The following GDF11 variants were observed in gnomAD, a reference collection of about 807,000 sequenced individuals.
GDF11 encodes growth/differentiation factor 11.
Under a neutral mutation model 34.4 loss-of-function variants are expected in GDF11, and 12 were observed. That is an observed-to-expected ratio of 0.35 (90% CI 0.22 to 0.57). GDF11 has a LOEUF of 0.57. Among genes scored for constraint, GDF11 ranks in the 20% least tolerant of loss-of-function variants. GDF11 has a pLI of 0.86. For missense variants in GDF11, 346 were observed against 548.2 expected, an observed-to-expected ratio of 0.63 and a Z score of 3.68; for synonymous variants, 212 against 231.1, an observed-to-expected ratio of 0.92 and a Z score of 0.75.
In GDF11 at chr12:55,754,143, A is replaced by G. The variant is rs570493461; in HGVS notation, c.*4261A>G. The G allele has an allele frequency of 6.6e-6, 1 of 152,320 alleles. No homozygotes were observed. Among genetic ancestry groups the G allele is most frequent in the African/African-American group, 2.4e-5 (1 of 41,574 alleles). 9.4% of individuals were successfully genotyped at this position (152,320 alleles called of 1,614,324 possible). A position where few individuals can be genotyped will look rare whatever the true frequency, so the allele number is the denominator to read the frequency against. ...CTAAGGCTGGAAGTGGTTGAGTAGC[A>G]GAAGTGTTATGTATTCTATCTTCCC... is the stretch of plus-strand genomic sequence containing the variant. On this transcript the variant is annotated 3_prime_UTR_variant, in exon 3 of 3. Transcript: ENST00000257868.
rs1403508449 is a variant in GDF11 at position 55,749,066 on chromosome 12, T to C, written c.843+83T>C. ...TACATTGGAAAAGGTAGACAAGGAA[T>C]GTGAAGGAGGTTGGGGACCAGCATT... is the stretch of plus-strand genomic sequence containing the variant. On this transcript the variant is annotated intron_variant, in intron 2 of 2. Coordinates refer to ENST00000257868, the MANE Select transcript of GDF11 (RefSeq NM_005811.5). This position sits in a 1 kb window ranked among gnomAD's most constrained non-coding sequence, Gnocchi z 5.6. 19 of 1,365,768 alleles carry C rather than the reference T, an allele frequency of 1.4e-5. No individual in the cohort carries two copies. The highest frequency in any genetic ancestry group is 2.5e-5 in the East Asian group (1 of 40,206). The allele number at this position is 1,365,768 out of a possible 1,614,324, so 84.6% of individuals were successfully genotyped here.
rs745551830 is a variant in GDF11 at position 55,755,326 on chromosome 12, G to C, written c.*5444G>C. On this transcript the variant is annotated 3_prime_UTR_variant, in exon 3 of 3. Coordinates refer to ENST00000257868, the MANE Select transcript of GDF11 (RefSeq NM_005811.5). Reference sequence around the variant, plus strand: ...TTCAGCAGTTCTTAAGAGGTGGGGTGGGGGGCTGGGCAGTTTAGAGTGAGA... The same window carrying C: ...TTCAGCAGTTCTTAAGAGGTGGGGTCGGGGGCTGGGCAGTTTAGAGTGAGA... The C allele has an allele frequency of 3.3e-5, 5 of 151,958 alleles. No homozygotes were observed. Among genetic ancestry groups the C allele is most frequent in the Non-Finnish European group, 7.4e-5 (5 of 67,990 alleles). 9.4% of individuals were successfully genotyped at this position (151,958 alleles called of 1,614,324 possible).
rs1878513237 is a variant in GDF11 at position 55,756,651 on chromosome 12, G to T, written c.*6769G>T. On this transcript the variant is annotated 3_prime_UTR_variant, in exon 3 of 3. Coordinates refer to ENST00000257868, the MANE Select transcript of GDF11 (RefSeq NM_005811.5). ...GCAATAACATATCCAAAAAGATTAA[G>T]CAGGTTTCAGATCTACATGAACTTG... 1 of 152,118 alleles carries T rather than the reference G, an allele frequency of 6.6e-6. No homozygotes were observed. The highest frequency in any genetic ancestry group is 1.5e-5 in the Non-Finnish European group (1 of 68,026). The allele number at this position is 152,118 out of a possible 1,614,324, so 9.4% of individuals were successfully genotyped here.
chr12:55,757,263 C>CTGCCCTTGTATT lies in GDF11; in HGVS notation c.*7381_*7382insTGCCCTTGTATT, dbSNP rs1878535668. The CTGCCCTTGTATT allele has an allele frequency of 2.8e-6, 1 of 351,410 alleles. No homozygotes were observed. Among genetic ancestry groups the CTGCCCTTGTATT allele is most frequent in the Non-Finnish European group, 5.2e-6 (1 of 192,736 alleles). 21.8% of individuals were successfully genotyped at this position (351,410 alleles called of 1,614,324 possible). A position where few individuals can be genotyped will look rare whatever the true frequency, so the allele number is the denominator to read the frequency against. ...TAAATCAAAGGAGCACCTAATAAAACACATTGTTCTCTTTTCTATTTTTTT... is the reference window on the plus strand; with the variant it reads ...TAAATCAAAGGAGCACCTAATAAAACTGCCCTTGTATTACATTGTTCTCTTTTCTATTTTTTT... On this transcript the variant is annotated 3_prime_UTR_variant, in exon 3 of 3. Coordinates refer to ENST00000257868, the MANE Select transcript of GDF11 (RefSeq NM_005811.5).
rs761260772 is a variant in GDF11 at position 55,756,864 on chromosome 12, G to A, written c.*6982G>A. 1.3e-5 allele frequency: 2 copies of A among 152,098 alleles called. No individual in the cohort carries two copies. The highest frequency in any genetic ancestry group is 2.9e-5 in the Non-Finnish European group (2 of 68,022). The allele number at this position is 152,098 out of a possible 1,614,324, so 9.4% of individuals were successfully genotyped here. A position where few individuals can be genotyped will look rare whatever the true frequency, so the allele number is the denominator to read the frequency against. Reference sequence around the variant, plus strand: ...GTATCACATCACCCTTGAAATCAGGGCCCTTTTCCTTTAATGTGGGACCCT... The same window carrying A: ...GTATCACATCACCCTTGAAATCAGGACCCTTTTCCTTTAATGTGGGACCCT... On this transcript the variant is annotated 3_prime_UTR_variant, in exon 3 of 3. Coordinates refer to ENST00000257868, the MANE Select transcript of GDF11 (RefSeq NM_005811.5).
At chr12:55,746,821 G>C (rs1044984933) in intron 1 of GDF11, among the ~76,000 whole-genome samples, 1 of 152,246 alleles carries the variant, frequency 6.6e-6, no homozygotes, top group Non-Finnish European at 1.5e-5. Flanking sequence ...AGGTTAGATA[G>C]TGGTTAGTAA....
chr12:55,748,208 G>C lies in GDF11; in HGVS notation c.446-378G>C, dbSNP rs1878224388. 6.6e-6 allele frequency among the ~76,000 whole-genome samples: 1 copy of C among 152,206 alleles called. No individual in the cohort carries two copies. The highest frequency in any genetic ancestry group is 2.4e-5 in the African/African-American group (1 of 41,450). On this transcript the variant is annotated intron_variant, in intron 1 of 2. Coordinates refer to ENST00000257868, the MANE Select transcript of GDF11 (RefSeq NM_005811.5). This position sits in a 1 kb window ranked among gnomAD's most constrained non-coding sequence, Gnocchi z 5.6. ...GGGGAAAGGTGATGGAAGGGCAGCAGGTGTGATAAGAGGTATGGCTTCTAT... is the reference window on the plus strand; with the variant it reads ...GGGGAAAGGTGATGGAAGGGCAGCACGTGTGATAAGAGGTATGGCTTCTAT...
At position 55,749,128 on chromosome 12, in the gene GDF11, GGT is replaced by G. The variant is rs1878249004; in HGVS notation, c.843+147_843+148del. Reference sequence around the variant, plus strand: ...GTCAGCAGCTGATTCTAGAGGAGGAGGTGAGGAGTGGGGTGGCAACTATTACT... The same window carrying G: ...GTCAGCAGCTGATTCTAGAGGAGGAGGAGGAGTGGGGTGGCAACTATTACT... On this transcript the variant is annotated intron_variant, in intron 2 of 2. Transcript: ENST00000257868. This position sits in a 1 kb window ranked among gnomAD's most constrained non-coding sequence, Gnocchi z 5.6. 1.2e-6 allele frequency: 1 copy of G among 824,894 alleles called. No individual in the cohort carries two copies. Among genetic ancestry groups the G allele is most frequent in the African/African-American group, 1.7e-5 (1 of 58,030 alleles). The allele number at this position is 824,894 out of a possible 1,614,324, so 51.1% of individuals were successfully genotyped here. A position where few individuals can be genotyped will look rare whatever the true frequency, so the allele number is the denominator to read the frequency against.
chr12:55,743,795 C>T (rs1367798302), intron 1 of GDF11, 34 bp downstream of exon 1: 1 of 1,468,242 alleles, frequency 6.8e-7, no homozygotes, highest in East Asian at 2.5e-5. Flanking sequence ...CAGTGGGGTG[C>T]TGGCTCTGGC....
intron 1 of GDF11, among the ~76,000 whole-genome samples, chr12:55,747,559 A>G (rs945298302): frequency 1.4e-4 from 21 of 152,164 alleles, no homozygotes; most frequent in African/African-American, 5.1e-4. Context: ...TATTCTGTCC[A>G]ATGGAGACAT....
chr12:55,744,954 C>T (rs557609851), intron 1 of GDF11, among the ~76,000 whole-genome samples: 23 of 152,320 alleles, frequency 1.5e-4, no homozygotes, highest in African/African-American at 5.5e-4. Context: ...GTGCCTCACA[C>T]TGCCCCTGGT....
At position 55,743,492 on chromosome 12, in the gene GDF11, C is replaced by T. The variant is rs756857866; in HGVS notation, c.176C>T (p.Pro59Leu). The T allele has an allele frequency of 6.5e-7, 1 of 1,545,166 alleles. No individual in the cohort carries two copies. Among genetic ancestry groups the T allele is most frequent in the East Asian group, 2.5e-5 (1 of 40,786 alleles). ...CCAGCCCCGTCCGTGGCGCCCGAGC[C>T]GGACGGCTGCCCCGTGTGCGTTTGG... ...SRPAPSVAPE[P>L]DGCPVCVWRQ... Residue 59 changes from proline to leucine, a missense_variant, in exon 1 of 3, where the codon CCG (proline) becomes CTG (leucine). Pro to Leu is a moderately conservative substitution (Grantham distance 98). Transcript: ENST00000257868.
At position 55,755,843 on chromosome 12, in the gene GDF11, G is replaced by C. The variant is rs1020862398; in HGVS notation, c.*5961G>C. 6.6e-6 allele frequency: 1 copy of C among 152,100 alleles called. No individual in the cohort carries two copies. The highest frequency in any genetic ancestry group is 1.5e-5 in the Non-Finnish European group (1 of 68,028). 9.4% of individuals were successfully genotyped at this position (152,100 alleles called of 1,614,324 possible). On this transcript the variant is annotated 3_prime_UTR_variant, in exon 3 of 3. Coordinates refer to ENST00000257868, the MANE Select transcript of GDF11 (RefSeq NM_005811.5). ...GAAAACACTGTTCAAAGATCTAGGG[G>C]AAGTAAGATGAGTGAGGAGAATAAT...
rs900090219 is a variant in GDF11 at position 55,754,679 on chromosome 12, C to G, written c.*4797C>G. On this transcript the variant is annotated 3_prime_UTR_variant, in exon 3 of 3. Coordinates refer to ENST00000257868, the MANE Select transcript of GDF11 (RefSeq NM_005811.5). ...CAGTACCCTGATCACCCAGTAAAAGCTAATATTTATTGAATAATTACTATG... is the reference window on the plus strand; with the variant it reads ...CAGTACCCTGATCACCCAGTAAAAGGTAATATTTATTGAATAATTACTATG... 3 of 152,158 alleles carry G rather than the reference C, an allele frequency of 2.0e-5. No homozygotes were observed. The highest frequency in any genetic ancestry group is 4.8e-5 in the African/African-American group (2 of 41,430). 9.4% of individuals were successfully genotyped at this position (152,158 alleles called of 1,614,324 possible). A position where few individuals can be genotyped will look rare whatever the true frequency, so the allele number is the denominator to read the frequency against.
Position 55,749,834 on chromosome 12 carries a change from C to G in GDF11, c.1176C>G (p.Ile392Met), listed in dbSNP as rs1308133390. 4 of 1,614,052 alleles carry G rather than the reference C, an allele frequency of 2.5e-6. No homozygotes were observed. Among genetic ancestry groups the G allele is most frequent in the Non-Finnish European group, 3.4e-6 (4 of 1,179,966 alleles). The stretch of plus-strand genomic sequence containing the variant: ...ACTTCAATGACAAGCAGCAGATTAT[C>G]TACGGCAAGATCCCTGGCATGGTGG... ...MLYFNDKQQI[I>M]YGKIPGMVVD... The change falls in exon 3 of 3, where the codon ATC becomes ATG. Residue 392 changes from isoleucine to methionine, a missense_variant. By Grantham distance (10) the Ile-to-Met change is conservative. Around this residue, in one of 3 missense-constraint regions of GDF11, gnomAD observed 205 missense variants for 311.3 expected, o/e 0.66. Coordinates refer to ENST00000257868, the MANE Select transcript of GDF11 (RefSeq NM_005811.5). The surrounding 1 kb of genome is among the most constrained non-coding windows in gnomAD (Gnocchi z 5.6).
chr12:55,750,121 A>G lies in GDF11; in HGVS notation c.*239A>G. On this transcript the variant is annotated 3_prime_UTR_variant, in exon 3 of 3. Transcript: ENST00000257868. ...GAGTGTTTGAAGTTTGCAGATGAGAAGGTTTGACAAAAAGACAGAGAGATG... is the reference window on the plus strand; with the variant it reads ...GAGTGTTTGAAGTTTGCAGATGAGAGGGTTTGACAAAAAGACAGAGAGATG... The G allele has an allele frequency of 3.8e-6, 2 of 526,986 alleles. No homozygotes were observed. The highest frequency in any genetic ancestry group is 6.8e-6 in the Non-Finnish European group (2 of 294,604). The allele number at this position is 526,986 out of a possible 1,614,324, so 32.6% of individuals were successfully genotyped here.
In GDF11 at chr12:55,743,262, C is replaced by G; in HGVS notation, c.-55C>G. 1.5e-6 allele frequency: 1 copy of G among 664,688 alleles called. No homozygotes were observed. Among genetic ancestry groups the G allele is most frequent in the Non-Finnish European group, 1.9e-6 (1 of 539,764 alleles). The allele number at this position is 664,688 out of a possible 1,614,324, so 41.2% of individuals were successfully genotyped here. A position where few individuals can be genotyped will look rare whatever the true frequency, so the allele number is the denominator to read the frequency against. On this transcript the variant is annotated 5_prime_UTR_variant, in exon 1 of 3. Coordinates refer to ENST00000257868, the MANE Select transcript of GDF11 (RefSeq NM_005811.5). ...TCCCTCCCTCCTCCCTCCGCCCCCT[C>G]CCCGCGGGACTCCGGCGTCCCCGCC...
At position 55,752,912 on chromosome 12, in the gene GDF11, A is replaced by G. The variant is rs1878370735; in HGVS notation, c.*3030A>G. The G allele has an allele frequency of 6.6e-6, 1 of 152,234 alleles. No individual in the cohort carries two copies. Among genetic ancestry groups the G allele is most frequent in the Non-Finnish European group, 1.5e-5 (1 of 68,046 alleles). 9.4% of individuals were successfully genotyped at this position (152,234 alleles called of 1,614,324 possible). On this transcript the variant is annotated 3_prime_UTR_variant, in exon 3 of 3. Coordinates refer to ENST00000257868, the MANE Select transcript of GDF11 (RefSeq NM_005811.5). ...GAGCTCTTCTCCCTAATCAAGTGCC[A>G]CATTTACACCTTGGAGAACCGGAGG...
intron 1 of GDF11, among the ~76,000 whole-genome samples, chr12:55,745,239 GTC>G (rs945220625): frequency 6.6e-6 from 1 of 152,174 alleles, no homozygotes; most frequent in African/African-American, 2.4e-5. Context: ...AGATACTCTA[GTC>G]TCTGTGGTGT....
Sources: allele counts gnomAD v4.1 joint callset (sites outside exome capture counted in the v4.1 genomes callset), GRCh38; gene constraint gnomAD v4.1.1; regional missense constraint gnomAD v4.1.1; non-coding constraint Gnocchi (gnomAD v3.1); transcripts MANE v1.5; gene names NCBI Gene and HGNC (gene_info 2026-07-23, HGNC 2026-07-21).